CYP7A1: variants seen among roughly 807,000 people sequenced by gnomAD.
CYP7A1 encodes the protein cytochrome P450 7A1.
Under a neutral mutation model 43.8 loss-of-function variants are expected in CYP7A1, and 28 were observed. The observed-to-expected ratio is 0.64, with a 90% CI of 0.47 to 0.88. The LOEUF is 0.88. Ranked by LOEUF, CYP7A1 falls within the 40% of genes least tolerant of loss-of-function variation. The pLI, the probability that CYP7A1 is intolerant of heterozygous loss-of-function variation, is 0.00. For synonymous variants in CYP7A1, 227 were observed against 222.5 expected (o/e 1.02, Z -0.18); for missense variants, 637 against 611.9 (o/e 1.04, Z -0.43).
At position 58,490,705 on chromosome 8, in the gene CYP7A1, A is replaced by G. The variant is rs977971627; in HGVS notation, c.*770T>C. Reference sequence around the variant, plus strand: ...TCAGCAACAATAAGTTAAAACATGAAGGGAAAATAAAACCACCTTTAGTGT... The same window carrying G: ...TCAGCAACAATAAGTTAAAACATGAGGGGAAAATAAAACCACCTTTAGTGT... On this transcript the variant is annotated 3_prime_UTR_variant, in exon 6 of 6. Coordinates refer to ENST00000301645, the MANE Select transcript of CYP7A1 (RefSeq NM_000780.4). The G allele has an allele frequency of 2.6e-5, 4 of 152,262 alleles. No homozygotes were observed. Among genetic ancestry groups the G allele is most frequent in the African/African-American group, 9.6e-5 (4 of 41,472 alleles). The allele number at this position is 152,262 out of a possible 1,614,324, so 9.4% of individuals were successfully genotyped here.
In CYP7A1 at chr8:58,491,527, A is replaced by G. The variant is rs1229694535; in HGVS notation, c.1463T>C (p.Ile488Thr). The G allele has an allele frequency of 3.7e-6, 6 of 1,614,202 alleles. No homozygotes were observed. The Admixed American group carries it at 5.0e-5, about 13-fold the overall frequency. The stretch of plus-strand genomic sequence containing the variant: ...TTCAATATCATTCAATGGCGGCAAA[A>G]TGCCCAAGCCTGCCCGGGACTGGTC... ...PLDQSRAGLG[I>T]LPPLNDIEFK... is the part of the protein sequence containing the mutation. The change falls in exon 6 of 6, where the codon ATT becomes ACT. Residue 488 changes from isoleucine (I) to threonine (T), a missense_variant. Ile to Thr is a moderately conservative substitution (Grantham distance 89, BLOSUM62 -1). Coordinates refer to ENST00000301645, the MANE Select transcript of CYP7A1 (RefSeq NM_000780.4).
At chr8:58,494,722 C>T in intron 3 of CYP7A1, 86 bp from the exon 4 acceptor site, 1 of 1,299,946 alleles carries the variant, frequency 7.7e-7, no homozygotes, top group Non-Finnish European at 1.1e-6. Flanking sequence ...GGCCTTTCCC[C>T]CTTCTTTTAA....
intron 4 of CYP7A1, among the ~76,000 whole-genome samples, chr8:58,493,492 G>A (rs1037603477): frequency 7.2e-5 from 11 of 152,122 alleles, no homozygotes; most frequent in Admixed American, 1.3e-4. Context: ...CCTTTTAGCC[G>A]TATCCTTTAA....
chr8:58,496,700 T>C lies in CYP7A1; in HGVS notation c.812A>G (p.Asp271Gly). ...GTGTGTCTTGGCCTTCTCCAGATCA[T>C]CAAAGGTGGACAAAGTGTCATTGAG... ...MFLNDTLSTF[D>G]DLEKAKTHLV... The change falls in exon 3 of 6, where the codon GAT becomes GGT. Residue 271 changes from aspartate (D) to glycine (G), a missense_variant. Physicochemically the swap from Asp to Gly is moderately conservative, Grantham distance 94 (BLOSUM62 -1). Transcript: ENST00000301645. The C allele has an allele frequency of 6.2e-7, 1 of 1,614,202 alleles. No homozygotes were observed. The highest frequency in any genetic ancestry group is 8.5e-7 in the Non-Finnish European group (1 of 1,180,032).
intron 3 of CYP7A1, among the ~76,000 whole-genome samples, chr8:58,495,215 TTTTA>T (rs1554558469): frequency 7.7e-5 from 11 of 143,400 alleles, no homozygotes; most frequent in African/African-American, 2.6e-4. Flanking sequence ...TTTATTTTAT[TTTTA>T]TTTATTTATT....
At chr8:58,494,955 G>A (rs566366554) in intron 3 of CYP7A1, among the ~76,000 whole-genome samples, 46 of 151,974 alleles carry the variant, frequency 3.0e-4, no homozygotes, top group African/African-American at 1.1e-3. Flanking sequence ...CCAACATGGC[G>A]AAACCCTGTC....
Position 58,491,206 on chromosome 8 carries a change from C to A in CYP7A1, c.*269G>T. The A allele has an allele frequency of 7.2e-6, 3 of 416,676 alleles. No individual in the cohort carries two copies. Among genetic ancestry groups the A allele is most frequent in the Non-Finnish European group, 1.3e-5 (3 of 233,506 alleles). 25.8% of individuals were successfully genotyped at this position (416,676 alleles called of 1,614,324 possible). ...CCTTTGAAAATAATAAACTTCAATC[C>A]CTGGCTATATGAACATTCATGGACT... On this transcript the variant is annotated 3_prime_UTR_variant, in exon 6 of 6. Coordinates refer to ENST00000301645, the MANE Select transcript of CYP7A1 (RefSeq NM_000780.4).
chr8:58,494,424 G>A, intron 4 of CYP7A1, 82 bp downstream of exon 4: 1 of 1,449,394 alleles, frequency 6.9e-7, no homozygotes, highest in Non-Finnish European at 9.7e-7. Context: ...CTAGAATTCG[G>A]TAAGTATATA....
chr8:58,496,993 A>G lies in CYP7A1; in HGVS notation c.519T>C (p.Ser173=), dbSNP rs1164880448. ...TAAWVTEGMY[S]FCYRVMFEAG... Reference sequence around the variant, plus strand: ...CTTCAAACATCACTCGGTAGCAGAAAGAATACATCCCTTCTGTCACCCAGG... The same window carrying G: ...CTTCAAACATCACTCGGTAGCAGAAGGAATACATCCCTTCTGTCACCCAGG... Residue 173 remains serine, a synonymous_variant, in exon 3 of 6, where the codon TCT becomes TCC. Coordinates refer to ENST00000301645, the MANE Select transcript of CYP7A1 (RefSeq NM_000780.4). 8 of 1,614,036 alleles carry G rather than the reference A, an allele frequency of 5.0e-6. No individual in the cohort carries two copies. Among genetic ancestry groups the G allele is most frequent in the Non-Finnish European group, 6.8e-6 (8 of 1,180,040 alleles).
At chr8:58,497,775 C>G (rs1404492554) in intron 2 of CYP7A1, among the ~76,000 whole-genome samples, 1 of 152,034 alleles carries the variant, frequency 6.6e-6, no homozygotes, top group Non-Finnish European at 1.5e-5. Context: ...GGTTTTTTTT[C>G]TCAGTAACAG....
At chr8:58,493,534 T>G (rs546106672) in intron 4 of CYP7A1, among the ~76,000 whole-genome samples, 1 of 152,306 alleles carries the variant, frequency 6.6e-6, no homozygotes, top group Admixed American at 6.5e-5. Flanking sequence ...ATCACATGAT[T>G]GTGTATAAAA....
At position 58,495,611 on chromosome 8, in the gene CYP7A1, G is replaced by A. The variant is rs77079071; in HGVS notation, c.909-975C>T. Among the ~76,000 whole-genome samples, 992 of 152,292 alleles carry A rather than the reference G, an allele frequency of 6.5e-3. 4 individuals carry two copies. Among genetic ancestry groups the A allele is most frequent in the Non-Finnish European group, 0.011 (739 of 68,026 alleles). On this transcript the variant is annotated intron_variant, in intron 3 of 5. Coordinates refer to ENST00000301645, the MANE Select transcript of CYP7A1 (RefSeq NM_000780.4). ...ACATAACAAAATTACAGTAAGTTGAGTCTCAAAATGTTTGATAAGTATTTG... is the reference window on the plus strand; with the variant it reads ...ACATAACAAAATTACAGTAAGTTGAATCTCAAAATGTTTGATAAGTATTTG...
At chr8:58,495,895 A>G (rs1161700322) in intron 3 of CYP7A1, among the ~76,000 whole-genome samples, 1 of 152,256 alleles carries the variant, frequency 6.6e-6, no homozygotes, top group African/African-American at 2.4e-5. Flanking sequence ...TTGTGTCTAC[A>G]TGATACTAAA....
intron 3 of CYP7A1, 137 bp downstream of exon 3, chr8:58,496,467 C>A: frequency 1.5e-6 from 1 of 671,566 alleles, no homozygotes. Context: ...ATATGTTAAA[C>A]ACTAACATGC....
rs1809354606 is a variant in CYP7A1 at position 58,491,716 on chromosome 8, C to A, written c.1274G>T (p.Cys425Phe). 6.2e-7 allele frequency: 1 copy of A among 1,613,454 alleles called. No individual in the cohort carries two copies. Among genetic ancestry groups the A allele is most frequent in the Non-Finnish European group, 8.5e-7 (1 of 1,179,394 alleles). ...ENGKTKTTFY[C>F]NGLKLKYYYM... is the part of the protein sequence containing the mutation. The stretch of plus-strand genomic sequence containing the variant: ...GTAATACTTTAACTTGAGTCCATTA[C>A]AATAGAAGGTAGTCTTTGTCTTCCC... The change falls in exon 6 of 6, where the codon TGT (cysteine) becomes TTT (phenylalanine). Residue 425 changes from cysteine (C) to phenylalanine (F), a missense_variant. Transcript: ENST00000301645.
chr8:58,495,215 T>TTTTATTTATTTA (rs1554558469), intron 3 of CYP7A1, among the ~76,000 whole-genome samples: 6,136 of 143,404 alleles, frequency 0.043, 404 homozygotes, highest in East Asian at 0.33. Context: ...TTTATTTTAT[T>TTTTATTTATTTA]TTTATTTATT....
chr8:58,494,671 A>G (rs1784050225), intron 3 of CYP7A1, 35 bp from the exon 4 acceptor site: 2 of 1,608,670 alleles, frequency 1.2e-6, no homozygotes, highest in African/African-American at 2.7e-5. Context: ...GTATGTACAG[A>G]AAATAAACTT....
intron 4 of CYP7A1, among the ~76,000 whole-genome samples, chr8:58,493,081 T>C (rs964377468): frequency 6.6e-6 from 1 of 152,236 alleles, no homozygotes; most frequent in African/African-American, 2.4e-5. Context: ...TGAATGTATC[T>C]TTAAATCTGA....
At chr8:58,492,626 G>A (rs1423005252) in intron 4 of CYP7A1, 98 bp from the exon 5 acceptor site, 15 of 959,988 alleles carry the variant, frequency 1.6e-5, no homozygotes, top group Non-Finnish European at 2.4e-5. Flanking sequence ...ATGATATAGA[G>A]TCTGAACTAC....
Sources: allele counts gnomAD v4.1 joint callset (sites outside exome capture counted in the v4.1 genomes callset), GRCh38; gene constraint gnomAD v4.1.1; transcripts MANE v1.5; gene names NCBI Gene and HGNC (gene_info 2026-07-23, HGNC 2026-07-21).